ELF1: variants seen among roughly 807,000 people sequenced by gnomAD.
ELF1 encodes the protein E74 like ETS transcription factor 1, also known as ETS-related transcription factor Elf-1.
A neutral mutation model predicts 59.9 loss-of-function variants in ELF1; 24 were observed. The ratio of observed to expected loss-of-function variants is 0.40; its 90% CI spans 0.29 to 0.56. ELF1 has a LOEUF of 0.56. Among genes scored for constraint, ELF1 ranks in the 20% least tolerant of loss-of-function variants. The pLI is 0.44. For missense variants in ELF1, 627 were observed against 742.2 expected, an observed-to-expected ratio of 0.84 and a Z score of 1.80; for synonymous variants, 248 against 266.2, an observed-to-expected ratio of 0.93 and a Z score of 0.67.
intron 5 of ELF1, among the ~76,000 whole-genome samples, chr13:40,948,949 T>C (rs1470454738): frequency 2.6e-5 from 4 of 152,228 alleles, no homozygotes; most frequent in Non-Finnish European, 4.4e-5. Context: ...TTCTGTAAGA[T>C]AGACCAAACT....
intron 1 of ELF1, among the ~76,000 whole-genome samples, chr13:41,008,895 TA>T (rs1874897337): frequency 1.3e-5 from 2 of 151,972 alleles, no homozygotes; most frequent in Admixed American, 1.3e-4. Flanking sequence ...AAGTCAAAGC[TA>T]AAAGATTTAC....
intron 1 of ELF1, among the ~76,000 whole-genome samples, chr13:41,038,729 C>T (rs1301800244): frequency 6.6e-6 from 1 of 152,092 alleles, no homozygotes; most frequent in Non-Finnish European, 1.5e-5. Context: ...TAAAGAATGA[C>T]TTTCTGGCCA....
Position 40,984,492 on chromosome 13 carries a change from C to T in ELF1, c.-228-2210G>A, listed in dbSNP as rs187074166. 3.3e-5 allele frequency among the ~76,000 whole-genome samples: 5 copies of T among 152,234 alleles called. No homozygotes were observed. In the East Asian group the frequency reaches 9.6e-4, roughly 29 times the overall value. ...CTGAGGCAGGAGGATCACTTGAGCC[C>T]AGGAGTTCAAGGCCGTAGTGAGCCA... On this transcript the variant is annotated intron_variant, in intron 1 of 8. Transcript: ENST00000239882.
At chr13:40,966,920 G>A (rs1872210134) in intron 2 of ELF1, among the ~76,000 whole-genome samples, 1 of 152,226 alleles carries the variant, frequency 6.6e-6, no homozygotes, top group African/African-American at 2.4e-5. Context: ...CCTTCGAGTA[G>A]TTCACGCAAC....
chr13:40,945,138 T>TA (rs1416469713), intron 5 of ELF1, among the ~76,000 whole-genome samples: 1 of 152,186 alleles, frequency 6.6e-6, no homozygotes, highest in East Asian at 1.9e-4. Context: ...AACACTTCAG[T>TA]AACCTCCACC....
chr13:40,948,611 C>T (rs1870650403), intron 5 of ELF1, among the ~76,000 whole-genome samples: 1 of 152,148 alleles, frequency 6.6e-6, no homozygotes, highest in Non-Finnish European at 1.5e-5. Context: ...TTAATCAAGA[C>T]ATTATACTCA....
chr13:40,935,558 CA>C (rs1869709375), intron 8 of ELF1, among the ~76,000 whole-genome samples: 1 of 152,156 alleles, frequency 6.6e-6, no homozygotes, highest in Non-Finnish European at 1.5e-5. Flanking sequence ...CCCATTCACG[CA>C]GGATACAGAT....
intron 1 of ELF1, among the ~76,000 whole-genome samples, chr13:41,034,309 T>C (rs1876287097): frequency 6.6e-6 from 1 of 152,202 alleles, no homozygotes; most frequent in Non-Finnish European, 1.5e-5. Context: ...AAAATCCTAA[T>C]AAAGTCTACA....
In ELF1 at chr13:40,958,849, GTCA is replaced by G. The variant is rs1566172060; in HGVS notation, c.237_239del (p.Asp80del). The G allele has an allele frequency of 2.5e-6, 4 of 1,611,494 alleles. No individual in the cohort carries two copies. Among genetic ancestry groups the G allele is most frequent in the Admixed American group, 1.7e-5 (1 of 59,768 alleles). ...AGACACACGCACCTGTAAGGGTGAT[GTCA>G]TCATCATCATCGTCTATGATTTCTT... On this transcript the variant is annotated inframe_deletion, in exon 3 of 9. Transcript: ENST00000239882.
At chr13:40,952,952 A>G (rs917445321) in intron 3 of ELF1, among the ~76,000 whole-genome samples, 3 of 150,438 alleles carry the variant, frequency 2.0e-5, no homozygotes, top group Non-Finnish European at 4.4e-5. Context: ...TACTACTATC[A>G]TATCTTAAAT....
chr13:40,979,411 C>A (rs1033559966), intron 2 of ELF1, among the ~76,000 whole-genome samples: 4 of 152,118 alleles, frequency 2.6e-5, no homozygotes, highest in Non-Finnish European at 5.9e-5. Flanking sequence ...GTAACTTGCC[C>A]AAAGTCACAG....
intron 1 of ELF1, among the ~76,000 whole-genome samples, chr13:41,029,482 G>A (rs1876079305): frequency 6.6e-6 from 1 of 151,988 alleles, no homozygotes. Context: ...CCCAGGCTCA[G>A]GTGATCCTCT....
Position 40,970,430 on chromosome 13 carries a change from A to G in ELF1, c.73-11414T>C, listed in dbSNP as rs74047816. Among the ~76,000 whole-genome samples, 1,519 of 152,340 alleles carry G rather than the reference A, an allele frequency of 1.0e-2. 27 individuals carry two copies. The highest frequency in any genetic ancestry group is 0.035 in the African/African-American group (1,448 of 41,576). On this transcript the variant is annotated intron_variant, in intron 2 of 8. Transcript: ENST00000239882. ...AACATTATACTATAGAAAACGGGAAAAATACGATCTCTATCATACAGTGAC... is the reference window on the plus strand; with the variant it reads ...AACATTATACTATAGAAAACGGGAAGAATACGATCTCTATCATACAGTGAC...
At chr13:41,045,966 TC>T (rs1005604961) in intron 1 of ELF1, among the ~76,000 whole-genome samples, 6 of 152,208 alleles carry the variant, frequency 3.9e-5, no homozygotes, top group African/African-American at 1.4e-4. Flanking sequence ...ATCTGGGGGC[TC>T]CTGTATTGGG....
intron 1 of ELF1, among the ~76,000 whole-genome samples, chr13:40,999,050 A>C (rs1874268247): frequency 6.6e-6 from 1 of 152,228 alleles, no homozygotes. Context: ...AACTAATCAA[A>C]AGATCCCAAA....
At chr13:41,024,712 C>T (rs1489523944) in intron 1 of ELF1, among the ~76,000 whole-genome samples, 4 of 152,104 alleles carry the variant, frequency 2.6e-5, no homozygotes, top group African/African-American at 9.7e-5. Flanking sequence ...CTAGCATCTA[C>T]TGTAGTTACT....
chr13:40,999,457 AGTT>A (rs1256254626), intron 1 of ELF1, among the ~76,000 whole-genome samples: 1 of 152,236 alleles, frequency 6.6e-6, no homozygotes, highest in Non-Finnish European at 1.5e-5. Context: ...GTTTAGAGAT[AGTT>A]AACAGCCTGA....
intron 1 of ELF1, among the ~76,000 whole-genome samples, chr13:40,990,897 A>T (rs1873818460): frequency 6.6e-6 from 1 of 152,040 alleles, no homozygotes; most frequent in African/African-American, 2.4e-5. Flanking sequence ...GAGAAACATA[A>T]TAGATGCTAA....
intron 2 of ELF1, among the ~76,000 whole-genome samples, chr13:40,979,364 T>C (rs945314107): frequency 6.6e-6 from 1 of 152,144 alleles, no homozygotes; most frequent in African/African-American, 2.4e-5. Context: ...TTCATCCCCA[T>C]TTTGCAGATG....
Sources: allele counts gnomAD v4.1 joint callset (sites outside exome capture counted in the v4.1 genomes callset), GRCh38; gene constraint gnomAD v4.1.1; transcripts MANE v1.5; gene names NCBI Gene and HGNC (gene_info 2026-07-23, HGNC 2026-07-21).